Variants in ACTN4 observed in about 807,000 individuals in gnomAD.
ACTN4 encodes the protein actinin alpha 4, also known as alpha-actinin-4.
In ACTN4, 18 loss-of-function variants were observed where a neutral mutation model predicts 114.2. The ratio of observed to expected loss-of-function variants is 0.16; its 90% CI spans 0.11 to 0.23. The LOEUF (loss-of-function observed/expected upper bound fraction) is 0.23, where lower values mean the gene tolerates loss of function less well. Ranked by LOEUF, ACTN4 falls within the 10% of genes least tolerant of loss-of-function variation. The pLI is 1.00. For missense variants in ACTN4, 722 were observed against 1,262.9 expected (o/e 0.57, Z 6.49); for synonymous variants, 515 against 506.3 (o/e 1.02, Z -0.23).
At position 38,727,815 on chromosome 19, in the gene ACTN4, A is replaced by G. The variant is rs545525497; in HGVS notation, c.2338-131A>G. On this transcript the variant is annotated intron_variant, in intron 18 of 20. Transcript: ENST00000252699. This position sits in a 1 kb window ranked among gnomAD's most constrained non-coding sequence, Gnocchi z 5.4. Reference sequence around the variant, plus strand: ...CGTGTCCCTGGCCATCTCCTTGTCCATGTTGCCTCTAACTCTGTGTTTCCC... The same window carrying G: ...CGTGTCCCTGGCCATCTCCTTGTCCGTGTTGCCTCTAACTCTGTGTTTCCC... 7.4e-5 allele frequency: 61 copies of G among 827,252 alleles called. No homozygotes were observed. The African/African-American group carries it at 9.5e-4, about 13-fold the overall frequency. The allele number at this position is 827,252 out of a possible 1,614,324, so 51.2% of individuals were successfully genotyped here.
At chr19:38,676,996 G>C (rs1967397592) in intron 1 of ACTN4, among the ~76,000 whole-genome samples, 1 of 152,160 alleles carries the variant, frequency 6.6e-6, no homozygotes, top group Non-Finnish European at 1.5e-5. Context: ...TCTCCTCTCT[G>C]TGCTCCGGGC....
At chr19:38,725,389 T>C (rs1969197963) in intron 16 of ACTN4, among the ~76,000 whole-genome samples, 1 of 152,222 alleles carries the variant, frequency 6.6e-6, no homozygotes, top group Non-Finnish European at 1.5e-5. Flanking sequence ...AGCACTGAGC[T>C]GTCCTCCGTG....
chr19:38,655,820 G>T (rs1248072695), intron 1 of ACTN4, among the ~76,000 whole-genome samples: 1 of 152,162 alleles, frequency 6.6e-6, no homozygotes, highest in Admixed American at 6.6e-5. Context: ...TGTGTAATTT[G>T]CATTTTAACT....
At position 38,731,423 on chromosome 19, in the gene ACTN4, G is replaced by A; in HGVS notation, c.*1991G>A. ...CTCATCCATCAAACGGACTAAGACA[G>A]CCCCGACCCCATAGGGTGTGTGAAG... On this transcript the variant is annotated 3_prime_UTR_variant, in exon 21 of 21. Coordinates refer to ENST00000252699, the MANE Select transcript of ACTN4 (RefSeq NM_004924.6). 1.6e-6 allele frequency: 1 copy of A among 607,080 alleles called. No individual in the cohort carries two copies. Among genetic ancestry groups the A allele is most frequent in the Non-Finnish European group, 3.0e-6 (1 of 335,380 alleles). 37.6% of individuals were successfully genotyped at this position (607,080 alleles called of 1,614,324 possible).
At chr19:38,649,314 AGT>A (rs1403722795) in intron 1 of ACTN4, among the ~76,000 whole-genome samples, 1 of 111,868 alleles carries the variant, frequency 8.9e-6, no homozygotes, top group Non-Finnish European at 1.7e-5. Flanking sequence ...GGGAGCTCTG[AGT>A]GTGTGCAGGA....
In ACTN4 at chr19:38,727,782, C is replaced by T. The variant is rs921267464; in HGVS notation, c.2338-164C>T. 4.8e-5 allele frequency: 33 copies of T among 682,780 alleles called. No homozygotes were observed. The highest frequency in any genetic ancestry group is 4.8e-4 in the South Asian group (27 of 56,572). The allele number at this position is 682,780 out of a possible 1,614,324, so 42.3% of individuals were successfully genotyped here. ...GGATGAAAGGGGCCCGTGCCGCCCC[C>T]GACCCCACGTGTCCCTGGCCATCTC... On this transcript the variant is annotated intron_variant, in intron 18 of 20. Coordinates refer to ENST00000252699, the MANE Select transcript of ACTN4 (RefSeq NM_004924.6). The surrounding 1 kb of genome is among the most constrained non-coding windows in gnomAD (Gnocchi z 5.4).
Position 38,724,062 on chromosome 19 carries a change from C to T in ACTN4, c.1677C>T (p.Thr559=), listed in dbSNP as rs756462425. 5 of 1,613,700 alleles carry T rather than the reference C, an allele frequency of 3.1e-6. No homozygotes were observed. The East Asian group carries it at 6.7e-5, about 22-fold the overall frequency. ...TCCAGGACATGTTCATCGTCCATAC[C>T]ATCGAGGAGATTGAGGTTCGCACCC... ...EDLQDMFIVH[T]IEEIEGLISA... is the part of the protein sequence containing the mutation. The change falls in exon 14 of 21, where the codon ACC becomes ACT. Residue 559 remains threonine, a synonymous_variant. Coordinates refer to ENST00000252699, the MANE Select transcript of ACTN4 (RefSeq NM_004924.6). The surrounding 1 kb of genome is among the most constrained non-coding windows in gnomAD (Gnocchi z 7.0).
intron 3 of ACTN4, among the ~76,000 whole-genome samples, chr19:38,701,886 T>C (rs1968288390): frequency 6.6e-6 from 1 of 152,164 alleles, no homozygotes; most frequent in Non-Finnish European, 1.5e-5. Context: ...CAAAGTAAAC[T>C]AATTGCCGTT....
intron 5 of ACTN4, among the ~76,000 whole-genome samples, chr19:38,706,346 T>G (rs571733186): frequency 6.6e-6 from 1 of 152,324 alleles, no homozygotes; most frequent in Non-Finnish European, 1.5e-5. Flanking sequence ...CTGAAGGCAG[T>G]AAGGTCAGCC....
intron 11 of ACTN4, among the ~76,000 whole-genome samples, chr19:38,719,281 G>A (rs1287102407): frequency 6.6e-6 from 1 of 152,194 alleles, no homozygotes; most frequent in African/African-American, 2.4e-5. Context: ...CAGTCTCCCT[G>A]GCCCTCCGGC....
chr19:38,682,718 C>G (rs1457930922), intron 1 of ACTN4, among the ~76,000 whole-genome samples: 1 of 152,190 alleles, frequency 6.6e-6, no homozygotes, highest in Non-Finnish European at 1.5e-5. Flanking sequence ...ATGAAACCCA[C>G]ACTGCCAGCC....
At chr19:38,671,151 G>A (rs1967115343) in intron 1 of ACTN4, among the ~76,000 whole-genome samples, 1 of 152,102 alleles carries the variant, frequency 6.6e-6, no homozygotes, top group Admixed American at 6.6e-5. Flanking sequence ...TGAAGTGGAT[G>A]GTAGTAAAAA....
At chr19:38,716,154 C>T (rs1362336413) in intron 9 of ACTN4, among the ~76,000 whole-genome samples, 2 of 152,220 alleles carry the variant, frequency 1.3e-5, no homozygotes, top group East Asian at 3.8e-4. Context: ...ATCCACTCAC[C>T]TCAGCCTCCC....
chr19:38,649,729 G>A (rs865966268), intron 1 of ACTN4, among the ~76,000 whole-genome samples: 1 of 152,102 alleles, frequency 6.6e-6, no homozygotes, highest in Non-Finnish European at 1.5e-5. Context: ...TCGAGGGCGC[G>A]AGTTGGTGGC....
At chr19:38,651,388 G>T (rs991330941) in intron 1 of ACTN4, among the ~76,000 whole-genome samples, 2 of 152,186 alleles carry the variant, frequency 1.3e-5, no homozygotes, top group African/African-American at 4.8e-5. Context: ...GAGAAGCATT[G>T]TTCTGGTCTT....
chr19:38,657,855 T>C (rs1319086945), intron 1 of ACTN4, among the ~76,000 whole-genome samples: 1 of 152,216 alleles, frequency 6.6e-6, no homozygotes, highest in African/African-American at 2.4e-5. Context: ...AGGGCAGTGG[T>C]GGAAGCTGAC....
chr19:38,710,633 G>A (rs184224221), intron 8 of ACTN4, among the ~76,000 whole-genome samples: 12 of 152,378 alleles, frequency 7.9e-5, no homozygotes, highest in Admixed American at 7.2e-4. Context: ...CATACAGCAG[G>A]CCTGTCACAG....
intron 12 of ACTN4, among the ~76,000 whole-genome samples, chr19:38,722,464 A>G (rs930024542): frequency 2.2e-5 from 3 of 134,110 alleles, no homozygotes; most frequent in Non-Finnish European, 5.3e-5. Flanking sequence ...AGGCCCGTTT[A>G]TTCCTGAGTC....
chr19:38,727,192 C>T lies in ACTN4; in HGVS notation c.2337+89C>T. 1 of 1,591,760 alleles carries T rather than the reference C, an allele frequency of 6.3e-7. No homozygotes were observed. Among genetic ancestry groups the T allele is most frequent in the Middle Eastern group, 1.7e-4 (1 of 6,012 alleles). On this transcript the variant is annotated intron_variant, in intron 18 of 20. Coordinates refer to ENST00000252699, the MANE Select transcript of ACTN4 (RefSeq NM_004924.6). This position sits in a 1 kb window ranked among gnomAD's most constrained non-coding sequence, Gnocchi z 5.4. ...CGTCTCTGCATCTGTTCGTCCATTC[C>T]CATCACAGTTGCTGAGCGTCGGCCG...
Sources: gnomAD v4.1 joint callset for allele counts (sites outside exome capture counted in the v4.1 genomes callset) on GRCh38, gnomAD v4.1.1 for gene constraint, Gnocchi (gnomAD v3.1) non-coding constraint, MANE v1.5 for transcripts, NCBI Gene and HGNC (gene_info 2026-07-23, HGNC 2026-07-21) for gene names.